The following KCMF1 variants were observed in gnomAD, a reference collection of about 807,000 sequenced individuals.
KCMF1 encodes potassium channel modulatory factor 1.
Under a neutral mutation model 41.1 loss-of-function variants are expected in KCMF1, and 3 were observed. That is an observed-to-expected ratio of 0.07 (90% confidence interval 0.03 to 0.19). The LOEUF is 0.19. Ranked by LOEUF, KCMF1 falls within the 10% of genes least tolerant of loss-of-function variation. The pLI, the probability that KCMF1 is intolerant of heterozygous loss-of-function variation, is 1.00. For synonymous variants in KCMF1, 142 were observed against 164.5 expected (o/e 0.86, Z 1.04); for missense variants, 286 against 488.9 (o/e 0.58, Z 3.91).
chr2:84,996,460 A>T (rs1230662432), intron 1 of KCMF1, among the ~76,000 whole-genome samples: 1 of 131,060 alleles, frequency 7.6e-6, no homozygotes, highest in Non-Finnish European at 1.5e-5. Context: ...TTTGAGACAG[A>T]GTCTTGGCTC....
At chr2:84,989,094 G>A (rs1486884139) in intron 1 of KCMF1, among the ~76,000 whole-genome samples, 3 of 152,188 alleles carry the variant, frequency 2.0e-5, no homozygotes, top group East Asian at 3.8e-4. Context: ...ACGGGCCATA[G>A]TTTGCTGACC....
chr2:84,982,468 C>G (rs1364025496), intron 1 of KCMF1, among the ~76,000 whole-genome samples: 1 of 122,176 alleles, frequency 8.2e-6, no homozygotes, highest in Non-Finnish European at 1.6e-5. Context: ...GTGGCGCAAT[C>G]TCGGCTCACT....
In KCMF1 at chr2:84,995,108, G is replaced by A. The variant is rs538672909; in HGVS notation, c.16+23641G>A. Among the ~76,000 whole-genome samples the A allele has an allele frequency of 5.9e-5, 9 of 151,300 alleles. No homozygotes were observed. The South Asian group carries it at 6.3e-4, about 11-fold the overall frequency. On this transcript the variant is annotated intron_variant, in intron 1 of 6. Transcript: ENST00000409785. The stretch of plus-strand genomic sequence containing the variant: ...GCGATCTTGGCTCACTACAACCTCC[G>A]CCTCCTGGGTTCAAGCAATTCTCCT...
At chr2:85,017,065 G>A (rs1445286477) in intron 1 of KCMF1, among the ~76,000 whole-genome samples, 9 of 145,158 alleles carry the variant, frequency 6.2e-5, no homozygotes, top group African/African-American at 1.5e-4. Flanking sequence ...TCGCCCAGGC[G>A]GGACTGCGGA....
At chr2:85,009,084 A>C (rs1051240987) in intron 1 of KCMF1, among the ~76,000 whole-genome samples, 1 of 152,030 alleles carries the variant, frequency 6.6e-6, no homozygotes, top group African/African-American at 2.4e-5. Flanking sequence ...TCCCCACCCA[A>C]ATCCCATCTC....
intron 1 of KCMF1, among the ~76,000 whole-genome samples, chr2:84,993,551 ATTT>A (rs1674098125): frequency 2.7e-5 from 4 of 147,394 alleles, no homozygotes; most frequent in African/African-American, 1.0e-4. Flanking sequence ...TACCCCCATT[ATTT>A]ATTTATTTAT....
intron 1 of KCMF1, among the ~76,000 whole-genome samples, chr2:84,998,538 A>C (rs1674232008): frequency 6.6e-6 from 1 of 152,164 alleles, no homozygotes; most frequent in Non-Finnish European, 1.5e-5. Context: ...CCACTAAATT[A>C]ATAATTCTCA....
At chr2:85,003,706 G>C (rs1447883036) in intron 1 of KCMF1, among the ~76,000 whole-genome samples, 1 of 151,998 alleles carries the variant, frequency 6.6e-6, no homozygotes, top group Non-Finnish European at 1.5e-5. Context: ...CTCCTGCCTA[G>C]GATTACAGGC....
intron 1 of KCMF1, among the ~76,000 whole-genome samples, chr2:84,985,425 C>T (rs954422127): frequency 6.6e-6 from 1 of 152,218 alleles, no homozygotes; most frequent in Admixed American, 6.5e-5. Context: ...ATTTACCGTT[C>T]TTTTAAGCTT....
intron 3 of KCMF1, among the ~76,000 whole-genome samples, chr2:85,039,454 C>T (rs1470823841): frequency 6.6e-6 from 1 of 152,040 alleles, no homozygotes; most frequent in Admixed American, 6.6e-5. Context: ...ATCAGGCATG[C>T]TGACTTTAGG....
rs768142308 is a variant in KCMF1, at chr2:84,991,083, T to C, written c.16+19616T>C. ...AAGATGAAGGTGCCTTGAGCTAGGA[T>C]GGAGGCATGACAGTGATGAGTAGTG... On this transcript the variant is annotated intron_variant, in intron 1 of 6. Coordinates refer to ENST00000409785, the MANE Select transcript of KCMF1 (RefSeq NM_020122.5). 7.9e-4 allele frequency among the ~76,000 whole-genome samples: 120 copies of C among 152,150 alleles called. 2 individuals carry two copies. The highest frequency in any genetic ancestry group is 1.3e-3 in the Non-Finnish European group (89 of 68,024).
At chr2:85,014,940 G>T (rs1674734796) in intron 1 of KCMF1, among the ~76,000 whole-genome samples, 1 of 151,620 alleles carries the variant, frequency 6.6e-6, no homozygotes, top group South Asian at 2.1e-4. Flanking sequence ...CCACCTGGTG[G>T]CTTACTCCTA....
intron 1 of KCMF1, among the ~76,000 whole-genome samples, chr2:85,018,489 C>T (rs1005110369): frequency 9.2e-5 from 14 of 151,654 alleles, no homozygotes; most frequent in Non-Finnish European, 1.8e-4. Flanking sequence ...AGGCTGGTCT[C>T]GAACTCCTGA....
chr2:84,971,748 G>A (rs1573997980), intron 1 of KCMF1, among the ~76,000 whole-genome samples: 2 of 151,390 alleles, frequency 1.3e-5, no homozygotes, highest in East Asian at 2.0e-4. Context: ...GAGGCGGCGG[G>A]GCCCGTTACC....
At chr2:85,006,984 C>T (rs1020873001) in intron 1 of KCMF1, among the ~76,000 whole-genome samples, 1 of 151,518 alleles carries the variant, frequency 6.6e-6, no homozygotes, top group East Asian at 2.0e-4. Context: ...CCTGTAATCC[C>T]AGCCACTCAG....
At chr2:85,037,904 G>A (rs2104045623) in intron 3 of KCMF1, among the ~76,000 whole-genome samples, 1 of 152,326 alleles carries the variant, frequency 6.6e-6, no homozygotes, top group South Asian at 2.1e-4. Flanking sequence ...TGTCAGATCA[G>A]CAACATCATT....
At chr2:84,988,485 C>G (rs553006454) in intron 1 of KCMF1, among the ~76,000 whole-genome samples, 2 of 152,200 alleles carry the variant, frequency 1.3e-5, no homozygotes, top group African/African-American at 4.8e-5. Flanking sequence ...AGTTAAGTAC[C>G]TTCCCTAAGA....
In KCMF1 at chr2:85,055,379, G is replaced by T. The variant is rs1675903310; in HGVS notation, c.*1970G>T. ...GGTTTTGTGTGAATGCATTATTTTGGATGTGAGAAATAAATGCCAATTATA... is the reference window on the plus strand; with the variant it reads ...GGTTTTGTGTGAATGCATTATTTTGTATGTGAGAAATAAATGCCAATTATA... On this transcript the variant is annotated 3_prime_UTR_variant, in exon 7 of 7. Transcript: ENST00000409785. The T allele has an allele frequency of 6.6e-6, 1 of 151,988 alleles. No individual in the cohort carries two copies. Among genetic ancestry groups the T allele is most frequent in the African/African-American group, 2.4e-5 (1 of 41,372 alleles). The allele number at this position is 151,988 out of a possible 1,614,324, so 9.4% of individuals were successfully genotyped here.
intron 1 of KCMF1, among the ~76,000 whole-genome samples, chr2:84,984,514 T>G (rs1345605843): frequency 6.6e-6 from 1 of 151,958 alleles, no homozygotes; most frequent in African/African-American, 2.4e-5. Flanking sequence ...ATTTTTTTCT[T>G]TTATATTTAA....
Sources: gnomAD v4.1 joint callset for allele counts (sites outside exome capture counted in the v4.1 genomes callset) on GRCh38, gnomAD v4.1.1 for gene constraint, MANE v1.5 for transcripts, NCBI Gene and HGNC (gene_info 2026-07-23, HGNC 2026-07-21) for gene names.